Variants in ZFP64 observed in about 807,000 individuals in gnomAD.
ZFP64 encodes the protein ZFP64 zinc finger protein.
Under a neutral mutation model 51.6 loss-of-function variants are expected in ZFP64, and 14 were observed. The ratio of observed to expected loss-of-function variants is 0.27; its 90% CI spans 0.18 to 0.42. ZFP64 has a LOEUF of 0.42. Ranked by LOEUF, ZFP64 falls within the 10% of genes least tolerant of loss-of-function variation. The pLI is 1.00. For missense variants in ZFP64, 754 were observed against 906.8 expected, an observed-to-expected ratio of 0.83 and a Z score of 2.16; for synonymous variants, 375 against 361.4, an observed-to-expected ratio of 1.04 and a Z score of -0.43.
intron 2 of ZFP64, among the ~76,000 whole-genome samples, chr20:52,171,280 G>C (rs1475711945): frequency 1.3e-5 from 2 of 152,200 alleles, no homozygotes; most frequent in African/African-American, 4.8e-5. Flanking sequence ...GGCAACCAGA[G>C]GCCTCCTCAT....
intron 3 of ZFP64, chr20:52,165,248 T>C (rs1342399073): frequency 2.2e-6 from 1 of 456,402 alleles, no homozygotes; most frequent in African/African-American, 2.0e-5. Flanking sequence ...TTCCTATAAA[T>C]GTTAATTTTC....
chr20:52,094,833 C>T (rs1035745991), intron 7 of ZFP64, among the ~76,000 whole-genome samples: 1 of 152,172 alleles, frequency 6.6e-6, no homozygotes, highest in South Asian at 2.1e-4. Flanking sequence ...CTCAGTATTC[C>T]TAGCTTTCTG....
At chr20:52,165,609 T>C (rs1164005755) in intron 3 of ZFP64, 2 of 656,712 alleles carry the variant, frequency 3.0e-6, no homozygotes, top group African/African-American at 1.8e-5. Flanking sequence ...AAAAAATTTA[T>C]AGCAACCTGA....
chr20:52,089,005 C>T (rs1228580788), intron 7 of ZFP64: 1 of 525,596 alleles, frequency 1.9e-6, no homozygotes, highest in South Asian at 1.4e-5. Flanking sequence ...GGACCCCTTC[C>T]TCTCACTTCT....
At chr20:52,114,231 A>G (rs1024488738) in intron 5 of ZFP64, among the ~76,000 whole-genome samples, 4 of 152,242 alleles carry the variant, frequency 2.6e-5, no homozygotes, top group Non-Finnish European at 4.4e-5. Context: ...TCCCGATAGA[A>G]AAGATTAAAC....
In ZFP64 at chr20:52,186,913, A is replaced by C. The variant is rs201010324; in HGVS notation, c.205T>G (p.Phe69Val). The change falls in exon 2 of 6, where the codon TTT becomes GTT. Residue 69 changes from phenylalanine (F) to valine (V), a missense_variant. Physicochemically the swap from Phe to Val is conservative, Grantham distance 50. This residue lies in a region of ZFP64 where 95 missense variants were observed against 97.7 expected (regional missense o/e 0.97). Coordinates refer to ENST00000216923, the MANE Select transcript of ZFP64 (RefSeq NM_018197.3). ...TSAAAPSTVQ[F>V]VSEETVPATQ... is the part of the protein sequence containing the mutation. ...GCAGGCACTGTTTCCTCCGATACAAACTGGACCGTGCTGGGGGCTGCTGCG... is the reference window on the plus strand; with the variant it reads ...GCAGGCACTGTTTCCTCCGATACAACCTGGACCGTGCTGGGGGCTGCTGCG... The C allele has an allele frequency of 3.1e-6, 5 of 1,613,966 alleles. No homozygotes were observed. In the East Asian group the frequency reaches 1.1e-4, roughly 36 times the overall value.
intron 5 of ZFP64, among the ~76,000 whole-genome samples, chr20:52,138,012 C>T (rs1428589606): frequency 7.0e-6 from 1 of 143,102 alleles, no homozygotes; most frequent in Non-Finnish European, 1.5e-5. Flanking sequence ...CCCATCTTTA[C>T]AAAAATAAAT....
intron 8 of ZFP64, chr20:52,088,305 A>G: frequency 1.3e-6 from 2 of 1,553,970 alleles, no homozygotes; most frequent in Non-Finnish European, 1.7e-6. Context: ...ACACCAAGTC[A>G]TTTAAGTTGC....
intron 5 of ZFP64, among the ~76,000 whole-genome samples, chr20:52,103,018 GGT>G (rs2079070149): frequency 6.6e-6 from 1 of 152,162 alleles, no homozygotes; most frequent in Non-Finnish European, 1.5e-5. Flanking sequence ...CTGATGGGGA[GGT>G]GTGAGGGGCC....
intron 2 of ZFP64, among the ~76,000 whole-genome samples, chr20:52,168,310 T>A (rs1322693114): frequency 2.6e-5 from 4 of 152,246 alleles, no homozygotes; most frequent in African/African-American, 9.6e-5. Flanking sequence ...CAAGTATCTC[T>A]GATGCATGAA....
intron 5 of ZFP64, among the ~76,000 whole-genome samples, chr20:52,128,263 A>G (rs903587813): frequency 6.6e-6 from 1 of 151,938 alleles, no homozygotes; most frequent in Admixed American, 6.6e-5. Flanking sequence ...ACATAGCAAG[A>G]CTCTCTCTAT....
At position 52,191,769 on chromosome 20, in the gene ZFP64, A is replaced by T; in HGVS notation, c.-133T>A. On this transcript the variant is annotated 5_prime_UTR_variant, in exon 1 of 6. Coordinates refer to ENST00000216923, the MANE Select transcript of ZFP64 (RefSeq NM_018197.3). The surrounding 1 kb of genome is among the most constrained non-coding windows in gnomAD (Gnocchi z 4.3). ...CTTCTCCCAACTCTGCGAGGCGGGG[A>T]GGACGGATGTAAAGCAAGCTGCACT... The T allele has an allele frequency of 8.7e-7, 1 of 1,154,068 alleles. No individual in the cohort carries two copies. The highest frequency in any genetic ancestry group is 2.0e-5 in the South Asian group (1 of 49,574). 71.5% of individuals were successfully genotyped at this position (1,154,068 alleles called of 1,614,324 possible). A position where few individuals can be genotyped will look rare whatever the true frequency, so the allele number is the denominator to read the frequency against.
chr20:52,151,924 C>A lies in ZFP64; in HGVS notation c.*222G>T. On this transcript the variant is annotated 3_prime_UTR_variant, in exon 6 of 6. Coordinates refer to ENST00000216923, the MANE Select transcript of ZFP64 (RefSeq NM_018197.3). ...TGATGTCGTACACCTGTGGTCCCAG[C>A]TACTCGGAGGGCTGAGGCATGAGAA... is the stretch of plus-strand genomic sequence containing the variant. The A allele has an allele frequency of 1.8e-6, 2 of 1,120,722 alleles. No homozygotes were observed. Among genetic ancestry groups the A allele is most frequent in the Non-Finnish European group, 2.4e-6 (2 of 835,472 alleles). 69.4% of individuals were successfully genotyped at this position (1,120,722 alleles called of 1,614,324 possible). A position where few individuals can be genotyped will look rare whatever the true frequency, so the allele number is the denominator to read the frequency against.
chr20:52,153,604 C>G lies in ZFP64; in HGVS notation c.764-176G>C, dbSNP rs560488570. Among the ~76,000 whole-genome samples the G allele has an allele frequency of 1.3e-5, 2 of 152,230 alleles. No individual in the cohort carries two copies. The highest frequency in any genetic ancestry group is 3.9e-4 in the East Asian group (2 of 5,176). On this transcript the variant is annotated intron_variant, in intron 5 of 5. Coordinates refer to ENST00000216923, the MANE Select transcript of ZFP64 (RefSeq NM_018197.3). This position sits in a 1 kb window ranked among gnomAD's most constrained non-coding sequence, Gnocchi z 5.1. Reference sequence around the variant, plus strand: ...AGGGGCAGGGCGTCTTTATCTTTCCCCGGAACCCAAACCACCACCACCGGT... The same window carrying G: ...AGGGGCAGGGCGTCTTTATCTTTCCGCGGAACCCAAACCACCACCACCGGT...
chr20:52,160,218 C>T lies in ZFP64; in HGVS notation c.668G>A (p.Arg223Lys). 2.5e-6 allele frequency: 4 copies of T among 1,614,170 alleles called. No individual in the cohort carries two copies. The highest frequency in any genetic ancestry group is 3.4e-6 in the Non-Finnish European group (4 of 1,180,038). Residue 223 changes from arginine (R) to lysine (K), a missense_variant, in exon 5 of 6, where the codon AGG (arginine) becomes AAG (lysine). By Grantham distance (26) the Arg-to-Lys change is conservative. Around this residue, in one of 3 missense-constraint regions of ZFP64, gnomAD observed 231 missense variants for 336.7 expected, o/e 0.69. Coordinates refer to ENST00000216923, the MANE Select transcript of ZFP64 (RefSeq NM_018197.3). This position sits in a 1 kb window ranked among gnomAD's most constrained non-coding sequence, Gnocchi z 4.2. ...ADSSSLNKHL[R>K]IHSDERPFKC... ...GAAGGGCCGCTCGTCCGAGTGGATC[C>T]TCAGGTGCTTGTTGAGGCTGCTGCT...
At chr20:52,183,808 A>C (rs575466264) in intron 2 of ZFP64, among the ~76,000 whole-genome samples, 14 of 152,332 alleles carry the variant, frequency 9.2e-5, no homozygotes, top group African/African-American at 2.9e-4. Flanking sequence ...TATTGCCAAA[A>C]AAATTCAAAC....
chr20:52,183,064 C>T (rs1983722805), intron 2 of ZFP64, among the ~76,000 whole-genome samples: 1 of 152,140 alleles, frequency 6.6e-6, no homozygotes, highest in Admixed American at 6.5e-5. Flanking sequence ...AGGAACAATG[C>T]AGGCAAGGTC....
chr20:52,150,868 G>A (rs567191254), downstream of ZFP64, among the ~76,000 whole-genome samples: 10 of 152,104 alleles, frequency 6.6e-5, no homozygotes, highest in Non-Finnish European at 1.5e-4. Context: ...GCATTTCAAT[G>A]TAAAACAACA....
Position 52,183,022 on chromosome 20 carries a change from C to A in ZFP64, c.286+3810G>T, listed in dbSNP as rs377210927. Among the ~76,000 whole-genome samples, 5 of 152,190 alleles carry A rather than the reference C, an allele frequency of 3.3e-5. No homozygotes were observed. In the East Asian group the frequency reaches 9.7e-4, roughly 29 times the overall value. ...TGAGAAAATGCCTTTAAGTCCAGCT[C>A]TGACATAAGAATTAAGGCAGTTCCA... On this transcript the variant is annotated intron_variant, in intron 2 of 5. Transcript: ENST00000216923.
Sources: allele counts gnomAD v4.1 joint callset (sites outside exome capture counted in the v4.1 genomes callset), GRCh38; gene constraint gnomAD v4.1.1; regional missense constraint gnomAD v4.1.1; non-coding constraint Gnocchi (gnomAD v3.1); transcripts MANE v1.5; gene names NCBI Gene and HGNC (gene_info 2026-07-23, HGNC 2026-07-21).